DPF3: variants seen among roughly 807,000 people sequenced by gnomAD.
DPF3 encodes the protein zinc finger protein DPF3.
Under a neutral mutation model 56.8 loss-of-function variants are expected in DPF3, and 18 were observed. That is an observed-to-expected ratio of 0.32 (90% CI 0.22 to 0.47). The LOEUF (loss-of-function observed/expected upper bound fraction) is 0.47, where lower values mean the gene tolerates loss of function less well. DPF3 is among the 20% of genes least tolerant of loss of function. The pLI is 1.00. For synonymous variants in DPF3, 188 were observed against 180.2 expected, an observed-to-expected ratio of 1.04 and a Z score of -0.35; for missense variants, 403 against 488.8, an observed-to-expected ratio of 0.82 and a Z score of 1.65.
At chr14:72,668,127 A>G (rs1210148650) in intron 8 of DPF3, among the ~76,000 whole-genome samples, 1 of 152,194 alleles carries the variant, frequency 6.6e-6, no homozygotes, top group Non-Finnish European at 1.5e-5. Flanking sequence ...AAAAAGGGAG[A>G]TAAAGATATC....
At chr14:72,723,219 A>C (rs545292351) in intron 5 of DPF3, among the ~76,000 whole-genome samples, 1 of 150,492 alleles carries the variant, frequency 6.6e-6, no homozygotes, top group South Asian at 2.1e-4. Flanking sequence ...CCAGTGTGTG[A>C]TGTTCCCCTT....
intron 7 of DPF3, among the ~76,000 whole-genome samples, chr14:72,687,734 T>G (rs1267062439): frequency 1.3e-5 from 2 of 152,198 alleles, no homozygotes; most frequent in Non-Finnish European, 2.9e-5. Context: ...GAATGTCACC[T>G]CTTCGGTGAA....
chr14:72,642,214 C>A (rs937253246), intron 8 of DPF3, among the ~76,000 whole-genome samples: 8 of 152,234 alleles, frequency 5.3e-5, no homozygotes, highest in African/African-American at 1.9e-4. Flanking sequence ...TCCCAGGTTC[C>A]CAACCCTCAG....
intron 4 of DPF3, among the ~76,000 whole-genome samples, chr14:72,726,705 A>G (rs1335517988): frequency 6.6e-6 from 1 of 152,174 alleles, no homozygotes; most frequent in African/African-American, 2.4e-5. Flanking sequence ...GTCCAACTAC[A>G]AAGTCAGCTG....
intron 1 of DPF3, among the ~76,000 whole-genome samples, chr14:72,817,802 GA>G (rs1447236506): frequency 1.3e-5 from 2 of 152,212 alleles, no homozygotes; most frequent in Non-Finnish European, 2.9e-5. Context: ...GAGTAAATCA[GA>G]GGAGAATAAA....
intron 8 of DPF3, among the ~76,000 whole-genome samples, chr14:72,669,487 T>G: frequency 6.6e-6 from 1 of 152,104 alleles, no homozygotes; most frequent in Admixed American, 6.5e-5. Context: ...ATCCCCTTGG[T>G]TTTGAAATTG....
intron 3 of DPF3, among the ~76,000 whole-genome samples, chr14:72,745,022 C>T (rs1260347380): frequency 6.6e-6 from 1 of 151,290 alleles, no homozygotes; most frequent in Non-Finnish European, 1.5e-5. Flanking sequence ...CCTGAGCATC[C>T]TCTGTCAAGG....
rs141984221 is a variant in DPF3 at position 72,622,349 on chromosome 14, G to A, written c.985-2365C>T. ...ACAGTCAGAGAGGTGGGATGAAGAC[G>A]AGCACACTGTAGTTTACGCCAAAAC... is the stretch of plus-strand genomic sequence containing the variant. On this transcript the variant is annotated intron_variant, in intron 9 of 10. Transcript: ENST00000556509. Among the ~76,000 whole-genome samples, 889 of 152,172 alleles carry A rather than the reference G, an allele frequency of 5.8e-3. 10 individuals carry two copies. The highest frequency in any genetic ancestry group is 0.02 in the African/African-American group (842 of 41,500).
intron 8 of DPF3, among the ~76,000 whole-genome samples, chr14:72,667,784 A>ACAAAAACCC (rs1346778903): frequency 1.3e-5 from 2 of 152,364 alleles, no homozygotes; most frequent in East Asian, 1.9e-4. Context: ...TTTAAAAGCT[A>ACAAAAACCC]TATTCATTAC....
At chr14:72,753,088 G>C (rs1890646970) in intron 3 of DPF3, among the ~76,000 whole-genome samples, 176 bp downstream of exon 3, 1 of 152,190 alleles carries the variant, frequency 6.6e-6, no homozygotes, top group African/African-American at 2.4e-5. Flanking sequence ...TGGACACGTG[G>C]TCATGTTTCT....
chr14:72,703,577 G>T (rs1250563243), intron 6 of DPF3, among the ~76,000 whole-genome samples: 1 of 152,214 alleles, frequency 6.6e-6, no homozygotes, highest in Non-Finnish European at 1.5e-5. Flanking sequence ...CTGCTGAGAA[G>T]CCGGGTAACA....
At chr14:72,734,177 A>G (rs1255330100) in intron 3 of DPF3, among the ~76,000 whole-genome samples, 1 of 152,272 alleles carries the variant, frequency 6.6e-6, no homozygotes, top group Non-Finnish European at 1.5e-5. Flanking sequence ...AGAGACAGAT[A>G]GTAAATGCAA....
At chr14:72,658,892 G>C (rs558638546) in intron 8 of DPF3, among the ~76,000 whole-genome samples, 4 of 152,288 alleles carry the variant, frequency 2.6e-5, no homozygotes, top group Admixed American at 6.5e-5. Flanking sequence ...TAGGCACATG[G>C]TCATGTTCAG....
intron 1 of DPF3, among the ~76,000 whole-genome samples, chr14:72,816,982 C>T (rs954014846): frequency 3.9e-5 from 6 of 152,196 alleles, no homozygotes; most frequent in African/African-American, 9.7e-5. Flanking sequence ...TTGCCATCTG[C>T]CCCCCTCTGA....
rs1383616407 is a variant in DPF3, at chr14:72,828,999, C to A, written c.33-57106G>T. Among the ~76,000 whole-genome samples the A allele has an allele frequency of 2.0e-5, 3 of 152,174 alleles. 1 individual carries two copies. The highest frequency in any genetic ancestry group is 1.3e-4 in the Admixed American group (2 of 15,268). The stretch of plus-strand genomic sequence containing the variant: ...TTCTCACTTGGGCTTGAGGGGCCCT[C>A]GTCCAATATAGGAGACCAGTAAGAA... On this transcript the variant is annotated intron_variant, in intron 1 of 10. Coordinates refer to ENST00000556509, the MANE Select transcript of DPF3 (RefSeq NM_001280542.3).
At chr14:72,885,446 G>A (rs898112940) in intron 1 of DPF3, among the ~76,000 whole-genome samples, 1 of 151,978 alleles carries the variant, frequency 6.6e-6, no homozygotes, top group Non-Finnish European at 1.5e-5. Context: ...CCAGGCTGGA[G>A]TACATGGAGT....
rs562297073 is a variant in DPF3, at chr14:72,671,870, C to G, written c.871+2370G>C. Among the ~76,000 whole-genome samples the G allele has an allele frequency of 1.2e-3, 189 of 152,262 alleles. 1 individual carries two copies. Among genetic ancestry groups the G allele is most frequent in the Non-Finnish European group, 1.9e-3 (127 of 68,028 alleles). On this transcript the variant is annotated intron_variant, in intron 8 of 10. Coordinates refer to ENST00000556509, the MANE Select transcript of DPF3 (RefSeq NM_001280542.3). ...GCTTCTAATCCCATTCTTTCAGAAC[C>G]CTTTCAATTCTCCCCTTACGCCATG...
In DPF3 at chr14:72,612,712, G is replaced by C. The variant is rs1883814132; in HGVS notation, c.*6585C>G. The C allele has an allele frequency of 2.9e-5, 13 of 456,062 alleles. No individual in the cohort carries two copies. Among genetic ancestry groups the C allele is most frequent in the South Asian group, 1.7e-4 (11 of 63,078 alleles). 28.3% of individuals were successfully genotyped at this position (456,062 alleles called of 1,614,324 possible). A position where few individuals can be genotyped will look rare whatever the true frequency, so the allele number is the denominator to read the frequency against. On this transcript the variant is annotated 3_prime_UTR_variant, in exon 11 of 11. Transcript: ENST00000556509. ...AGCCATAAAAGCTTTGCATCCCTTTGATAGCAGAATTGAGACTTTTGAAGT... is the reference window on the plus strand; with the variant it reads ...AGCCATAAAAGCTTTGCATCCCTTTCATAGCAGAATTGAGACTTTTGAAGT...
At chr14:72,850,422 G>A (rs796214520) in intron 1 of DPF3, among the ~76,000 whole-genome samples, 36 of 152,264 alleles carry the variant, frequency 2.4e-4, no homozygotes, top group Non-Finnish European at 2.6e-4. Context: ...CCATTTTGCC[G>A]ATGAGCAAAC....
Sources: allele counts gnomAD v4.1 joint callset (sites outside exome capture counted in the v4.1 genomes callset), GRCh38; gene constraint gnomAD v4.1.1; transcripts MANE v1.5; gene names NCBI Gene and HGNC (gene_info 2026-07-23, HGNC 2026-07-21).